The following SRRM2 variants were observed in gnomAD, a reference collection of about 807,000 sequenced individuals.
SRRM2 encodes the protein serine/arginine repetitive matrix protein 2.
SRRM2 carries 30 observed loss-of-function variants against 213.8 expected under a neutral mutation model. The ratio of observed to expected loss-of-function variants is 0.14; its 90% CI spans 0.10 to 0.19. The LOEUF is 0.19. Ranked by LOEUF, SRRM2 falls within the 10% of genes least tolerant of loss-of-function variation. The probability of loss-of-function intolerance (pLI) is 1.00; values close to 1 mark genes in which losing one functional copy is unlikely to be tolerated. For missense variants in SRRM2, 4,904 were observed against 3,647.0 expected, an observed-to-expected ratio of 1.34 and a Z score of -8.88; for synonymous variants, 2,025 against 1,377.7, an observed-to-expected ratio of 1.47 and a Z score of -10.40.
chr16:2,770,788 G>T (rs2068719017), intron 14 of SRRM2, 70 bp from the exon 15 acceptor site: 2 of 1,610,916 alleles, frequency 1.2e-6, no homozygotes, highest in African/African-American at 1.3e-5. Flanking sequence ...CCCCATTTTG[G>T]GAGTGGCCCA....
intron 5 of SRRM2, 32 bp from the exon 6 acceptor site, chr16:2,758,953 C>A: frequency 6.2e-7 from 1 of 1,613,124 alleles, no homozygotes; most frequent in Non-Finnish European, 8.5e-7. Context: ...AGAAGCCAAG[C>A]AGGATGAGCT....
chr16:2,766,642 A>G lies in SRRM2; in HGVS notation c.6114A>G (p.Pro2038=), dbSNP rs1298328197. The change falls in exon 11 of 15, where the codon CCA becomes CCG. Residue 2038 remains proline, a synonymous_variant. Coordinates refer to ENST00000301740, the MANE Select transcript of SRRM2 (RefSeq NM_016333.4). This position sits in a 1 kb window ranked among gnomAD's most constrained non-coding sequence, Gnocchi z 7.0. ...CTAGATCTCGAACGCCACTGTTACC[A>G]CGCAAACGTTCTCGAAGTCGCTCAC... ...RRSRSRTPLL[P]RKRSRSRSPL... is the part of the protein sequence containing the mutation. The G allele has an allele frequency of 3.7e-6, 6 of 1,613,434 alleles. No homozygotes were observed. The highest frequency in any genetic ancestry group is 5.1e-6 in the Non-Finnish European group (6 of 1,179,782).
Position 2,762,215 on chromosome 16 carries a change from C to A in SRRM2, c.1687C>A (p.His563Asn). 6.2e-7 allele frequency: 1 copy of A among 1,614,050 alleles called. No individual in the cohort carries two copies. The highest frequency in any genetic ancestry group is 1.3e-5 in the African/African-American group (1 of 74,992). Residue 563 changes from histidine (H) to asparagine (N), a missense_variant, in exon 11 of 15, where the codon CAC becomes AAC. Physicochemically the swap from His to Asn is moderately conservative, Grantham distance 68 (BLOSUM62 1). Coordinates refer to ENST00000301740, the MANE Select transcript of SRRM2 (RefSeq NM_016333.4). ...RSRSARRGRSHSRSPATRGRS... is the reference protein window; with the variant it reads ...RSRSARRGRSNSRSPATRGRS... ...TAGGTCAGCAAGGCGAGGGAGGTCC[C>A]ACTCTAGATCCCCAGCCACTAGGGG...
intron 1 of SRRM2, chr16:2,753,661 T>C (rs2068028491): frequency 6.6e-6 from 1 of 152,226 alleles, no homozygotes; most frequent in South Asian, 2.1e-4. Context: ...TTTCAGGCGT[T>C]CTTTGGCACA....
In SRRM2 at chr16:2,762,209, A is replaced by G. The variant is rs1596275962; in HGVS notation, c.1681A>G (p.Arg561Gly). The G allele has an allele frequency of 6.2e-7, 1 of 1,613,978 alleles. No individual in the cohort carries two copies. The highest frequency in any genetic ancestry group is 2.2e-5 in the East Asian group (1 of 44,886). ...CAGGTCTAGGTCAGCAAGGCGAGGG[A>G]GGTCCCACTCTAGATCCCCAGCCAC... ...RGRSRSARRG[R>G]SHSRSPATRG... The change falls in exon 11 of 15, where the codon AGG becomes GGG. Residue 561 changes from arginine (R) to glycine (G), a missense_variant. Transcript: ENST00000301740.
In SRRM2 at chr16:2,759,190, C is replaced by T. The variant is rs1419603942; in HGVS notation, c.689+18C>T. 6.2e-7 allele frequency: 1 copy of T among 1,613,822 alleles called. No individual in the cohort carries two copies. Among genetic ancestry groups the T allele is most frequent in the Non-Finnish European group, 8.5e-7 (1 of 1,179,962 alleles). On this transcript the variant is annotated intron_variant, in intron 7 of 14. Transcript: ENST00000301740. ...AAGCATAGGTAAGAGCTCTTTAACT[C>T]ATAGGGGGCGCAGTGGCATGTGGAG...
chr16:2,768,116 C>T lies in SRRM2; in HGVS notation c.7588C>T (p.Arg2530Trp), dbSNP rs749057162. 24 of 1,614,002 alleles carry T rather than the reference C, an allele frequency of 1.5e-5. No homozygotes were observed. The highest frequency in any genetic ancestry group is 6.7e-5 in the Admixed American group (4 of 59,980). Residue 2530 changes from arginine to tryptophan, a missense_variant, in exon 11 of 15, where the codon CGG becomes TGG. Transcript: ENST00000301740. The stretch of plus-strand genomic sequence containing the variant: ...AGCCGCCCTGCAGCCAGCAAAGGAG[C>T]GGCGGAGTTCCTCCTCGTCGTCGTC... ...ALAALQPAKE[R>W]RSSSSSSSSS... is the part of the protein sequence containing the mutation.
In SRRM2 at chr16:2,768,006, T is replaced by C. The variant is rs1258913551; in HGVS notation, c.7478T>C (p.Met2493Thr). 1.2e-6 allele frequency: 2 copies of C among 1,614,196 alleles called. No individual in the cohort carries two copies. Among genetic ancestry groups the C allele is most frequent in the South Asian group, 1.1e-5 (1 of 91,082 alleles). The change falls in exon 11 of 15, where the codon ATG (methionine) becomes ACG (threonine). Residue 2493 changes from methionine (M) to threonine (T), a missense_variant. Physicochemically the swap from Met to Thr is moderately conservative, Grantham distance 81. Coordinates refer to ENST00000301740, the MANE Select transcript of SRRM2 (RefSeq NM_016333.4). Reference sequence around the variant, plus strand: ...TCCTCTGCTGGTGATCACAATGGCATGCTCTCTGTCCCTGCCCCTGGGGTG... The same window carrying C: ...TCCTCTGCTGGTGATCACAATGGCACGCTCTCTGTCCCTGCCCCTGGGGTG... ...TTSSAGDHNG[M>T]LSVPAPGVPH...
rs561793536 is a variant in SRRM2, at chr16:2,763,968, C to T, written c.3440C>T (p.Thr1147Ile). The T allele has an allele frequency of 4.5e-5, 72 of 1,614,202 alleles. No individual in the cohort carries two copies. The South Asian group carries it at 7.7e-4, about 17-fold the overall frequency. The change falls in exon 11 of 15, where the codon ACA becomes ATA. Residue 1147 changes from threonine (T) to isoleucine (I), a missense_variant. Physicochemically the swap from Thr to Ile is moderately conservative, Grantham distance 89. Transcript: ENST00000301740. Reference sequence around the variant, plus strand: ...CAGTCTGACTCTTCTTCATATCCTACAGTGGACTCGAATTCTCTCTTGGGG... The same window carrying T: ...CAGTCTGACTCTTCTTCATATCCTATAGTGGACTCGAATTCTCTCTTGGGG... Reference protein sequence around the residue: ...RFQSDSSSYPTVDSNSLLGQS... With the variant: ...RFQSDSSSYPIVDSNSLLGQS...
intron 1 of SRRM2, among the ~76,000 whole-genome samples, chr16:2,753,241 C>T (rs1596252660): frequency 2.0e-5 from 3 of 152,342 alleles, no homozygotes; most frequent in African/African-American, 7.2e-5. Flanking sequence ...GCTCCTGGAC[C>T]CTTGCCCCCG....
At position 2,767,396 on chromosome 16, in the gene SRRM2, C is replaced by G; in HGVS notation, c.6868C>G (p.Pro2290Ala). 6.2e-7 allele frequency: 1 copy of G among 1,614,044 alleles called. No individual in the cohort carries two copies. The highest frequency in any genetic ancestry group is 1.1e-5 in the South Asian group (1 of 91,086). Residue 2290 changes from proline to alanine, a missense_variant, in exon 11 of 15, where the codon CCC becomes GCC. Coordinates refer to ENST00000301740, the MANE Select transcript of SRRM2 (RefSeq NM_016333.4). ...SAVNLADPRT[P>A]TAPAVNLAGA... Reference sequence around the variant, plus strand: ...TGTGAACCTGGCTGACCCTCGCACTCCCACAGCCCCAGCTGTGAACCTAGC... The same window carrying G: ...TGTGAACCTGGCTGACCCTCGCACTGCCACAGCCCCAGCTGTGAACCTAGC...
chr16:2,770,497 C>T (rs750648326), intron 13 of SRRM2, 32 bp downstream of exon 13: 50 of 1,582,372 alleles, frequency 3.2e-5, no homozygotes, highest in East Asian at 4.6e-5. Flanking sequence ...AGCACCCAGC[C>T]TGTCTGGCCG....
At chr16:2,754,778 T>G (rs1174013214) in intron 1 of SRRM2, among the ~76,000 whole-genome samples, 2 of 152,178 alleles carry the variant, frequency 1.3e-5, no homozygotes, top group Non-Finnish European at 2.9e-5. Context: ...TACTAGAAGA[T>G]GAAAATGAGG....
intron 12 of SRRM2, chr16:2,769,823 TCTC>T (rs1490646260): frequency 7.3e-5 from 34 of 465,346 alleles, no homozygotes; most frequent in Non-Finnish European, 1.3e-4. Flanking sequence ...CGCCCTGTGT[TCTC>T]CTCCTGCCCG....
At position 2,769,271 on chromosome 16, in the gene SRRM2, C is replaced by G. The variant is rs747113957; in HGVS notation, c.8008C>G (p.Pro2670Ala). ...ACCTGCAAGCCCCAAGAAGCCACCC[C>G]CTGGCGAGCGGAGGTGAGTGCTGTC... is the stretch of plus-strand genomic sequence containing the variant. ...PKPASPKKPP[P>A]GERRSRSPRK... The change falls in exon 12 of 15, where the codon CCT (proline) becomes GCT (alanine). Residue 2670 changes from proline to alanine, a missense_variant. Transcript: ENST00000301740. The G allele has an allele frequency of 2.6e-6, 4 of 1,561,468 alleles. No individual in the cohort carries two copies. Among genetic ancestry groups the G allele is most frequent in the Non-Finnish European group, 3.5e-6 (4 of 1,153,010 alleles).
At position 2,765,452 on chromosome 16, in the gene SRRM2, A is replaced by G; in HGVS notation, c.4924A>G (p.Ser1642Gly). ...CAGACGAAGCAGATCAGGTTCATCA[A>G]GCAAAGGCAGAGGCCCTTCTCCTGA... ...LPRRSRSGSS[S>G]KGRGPSPEGS... Residue 1642 changes from serine (S) to glycine (G), a missense_variant, in exon 11 of 15, where the codon AGC becomes GGC. Physicochemically the swap from Ser to Gly is moderately conservative, Grantham distance 56 (BLOSUM62 0). Transcript: ENST00000301740. 6.2e-7 allele frequency: 1 copy of G among 1,614,184 alleles called. No individual in the cohort carries two copies. The highest frequency in any genetic ancestry group is 8.5e-7 in the Non-Finnish European group (1 of 1,180,022).
At chr16:2,754,630 G>A (rs2068077915) in intron 1 of SRRM2, among the ~76,000 whole-genome samples, 1 of 152,120 alleles carries the variant, frequency 6.6e-6, no homozygotes, top group African/African-American at 2.4e-5. Flanking sequence ...TTTTGTGTGA[G>A]GTGGTATGGA....
Position 2,766,653 on chromosome 16 carries a change from C to G in SRRM2, c.6125C>G (p.Ser2042Cys). The change falls in exon 11 of 15, where the codon TCT (serine) becomes TGT (cysteine). Residue 2042 changes from serine (S) to cysteine (C), a missense_variant. Transcript: ENST00000301740. The surrounding 1 kb of genome is among the most constrained non-coding windows in gnomAD (Gnocchi z 7.0). ...ACGCCACTGTTACCACGCAAACGTT[C>G]TCGAAGTCGCTCACCACTTGCTATC... ...SRTPLLPRKR[S>C]RSRSPLAIRR... is the part of the protein sequence containing the mutation. 1 of 1,613,774 alleles carries G rather than the reference C, an allele frequency of 6.2e-7. No homozygotes were observed. Among genetic ancestry groups the G allele is most frequent in the Non-Finnish European group, 8.5e-7 (1 of 1,179,892 alleles).
chr16:2,761,726 A>T lies in SRRM2; in HGVS notation c.1198A>T (p.Thr400Ser), dbSNP rs1160782181. ...GAACCCCCCATCTGAGGCCTCTCCAACTCGGGACCGTTCACCACCTAAGTC... is the reference window on the plus strand; with the variant it reads ...GAACCCCCCATCTGAGGCCTCTCCATCTCGGGACCGTTCACCACCTAAGTC... ...PVNPPSEASP[T>S]RDRSPPKSPE... The change falls in exon 11 of 15, where the codon ACT becomes TCT. Residue 400 changes from threonine to serine, a missense_variant. Coordinates refer to ENST00000301740, the MANE Select transcript of SRRM2 (RefSeq NM_016333.4). 3 of 1,609,526 alleles carry T rather than the reference A, an allele frequency of 1.9e-6. No individual in the cohort carries two copies. Among genetic ancestry groups the T allele is most frequent in the Non-Finnish European group, 2.5e-6 (3 of 1,177,720 alleles).
Sources: gnomAD v4.1 joint callset for allele counts (sites outside exome capture counted in the v4.1 genomes callset) on GRCh38, gnomAD v4.1.1 for gene constraint, Gnocchi (gnomAD v3.1) non-coding constraint, MANE v1.5 for transcripts, NCBI Gene and HGNC (gene_info 2026-07-23, HGNC 2026-07-21) for gene names.